SNTG1: variants seen among roughly 807,000 people sequenced by gnomAD.
The protein encoded by SNTG1 is gamma-1-syntrophin.
A neutral mutation model predicts 74.7 loss-of-function variants in SNTG1; 39 were observed. The ratio of observed to expected loss-of-function variants is 0.52; its 90% CI spans 0.40 to 0.68. The LOEUF (loss-of-function observed/expected upper bound fraction) is 0.68. Among genes scored for constraint, SNTG1 ranks in the 30% least tolerant of loss-of-function variants. The pLI is 0.00. For missense variants in SNTG1, 685 were observed against 609.5 expected (o/e 1.12, Z -1.30); for synonymous variants, 254 against 217.1 (o/e 1.17, Z -1.49).
At chr8:50,487,622 G>T (rs150273440) in intron 8 of SNTG1, among the ~76,000 whole-genome samples, 1,649 of 151,092 alleles carry the variant, frequency 0.011, 29 homozygotes, top group African/African-American at 0.037. Flanking sequence ...TCACTCGTAG[G>T]TGGGAATTGA....
chr8:50,663,117 G>A (rs991737686), intron 15 of SNTG1, among the ~76,000 whole-genome samples: 5 of 152,098 alleles, frequency 3.3e-5, no homozygotes, highest in Non-Finnish European at 7.4e-5. Context: ...CCAGTAGGAG[G>A]GGAGGAGCAA....
intron 8 of SNTG1, among the ~76,000 whole-genome samples, chr8:50,492,558 C>G (rs967785271): frequency 2.0e-5 from 3 of 152,138 alleles, no homozygotes; most frequent in African/African-American, 7.2e-5. Context: ...AGTGTCTGTT[C>G]CTGTTCTTTG....
At chr8:49,930,586 A>G (rs1360889541) in intron 1 of SNTG1, among the ~76,000 whole-genome samples, 3 of 152,032 alleles carry the variant, frequency 2.0e-5, no homozygotes, top group Non-Finnish European at 4.4e-5. Context: ...TGTTACAGAA[A>G]CCATCATTCT....
chr8:49,912,738 C>G (rs532942311), intron 1 of SNTG1, among the ~76,000 whole-genome samples: 20 of 152,150 alleles, frequency 1.3e-4, no homozygotes, highest in Non-Finnish European at 2.5e-4. Flanking sequence ...TCCAAGTATA[C>G]CTACACCTGT....
chr8:50,183,430 C>A (rs937787021), intron 2 of SNTG1, among the ~76,000 whole-genome samples: 2 of 152,074 alleles, frequency 1.3e-5, no homozygotes, highest in Admixed American at 6.6e-5. Flanking sequence ...AACTCTATAT[C>A]CCATTTTTTC....
At chr8:50,690,127 A>C (rs550246023) in intron 15 of SNTG1, among the ~76,000 whole-genome samples, 1 of 151,556 alleles carries the variant, frequency 6.6e-6, no homozygotes, top group South Asian at 2.1e-4. Flanking sequence ...CGTCTATTTG[A>C]TTCTTCTCTT....
intron 1 of SNTG1, among the ~76,000 whole-genome samples, chr8:50,119,744 C>A (rs1048035509): frequency 7.1e-6 from 1 of 141,142 alleles, no homozygotes; most frequent in East Asian, 2.0e-4. Flanking sequence ...AATTACTATA[C>A]CCCTATCAGA....
intron 1 of SNTG1, among the ~76,000 whole-genome samples, chr8:50,064,427 C>T (rs1017474096): frequency 6.6e-5 from 10 of 152,186 alleles, no homozygotes; most frequent in Non-Finnish European, 1.5e-4. Context: ...CCCACCATCA[C>T]TCCTACATAG....
chr8:50,502,940 T>C (rs2093975714), intron 9 of SNTG1, 60 bp downstream of exon 9: 1 of 1,352,256 alleles, frequency 7.4e-7, no homozygotes, highest in South Asian at 1.3e-5. Context: ...ATAATTATTA[T>C]TTTGACAATA....
chr8:50,452,720 C>A (rs1195883489), intron 8 of SNTG1, among the ~76,000 whole-genome samples: 1 of 152,140 alleles, frequency 6.6e-6, no homozygotes, highest in Non-Finnish European at 1.5e-5. Context: ...TTCTGAGAAG[C>A]TTAACTCTAC....
intron 1 of SNTG1, among the ~76,000 whole-genome samples, chr8:50,084,277 T>C (rs1235539167): frequency 6.6e-6 from 1 of 151,992 alleles, no homozygotes; most frequent in Non-Finnish European, 1.5e-5. Flanking sequence ...CTGGCCAACA[T>C]GGTGAAACCC....
At chr8:50,784,153 GT>G (rs1300648991) in intron 18 of SNTG1, among the ~76,000 whole-genome samples, 17 of 152,150 alleles carry the variant, frequency 1.1e-4, no homozygotes, top group South Asian at 2.1e-4. Flanking sequence ...CCTGAGTAGG[GT>G]GGGTGGAGTT....
intron 8 of SNTG1, chr8:50,490,827 T>G (rs549073308): frequency 6.6e-6 from 1 of 152,540 alleles, no homozygotes; most frequent in African/African-American, 2.4e-5. Flanking sequence ...GGGTCCCACG[T>G]CCTGAGACTG....
At chr8:49,997,566 T>C (rs1172988549) in intron 1 of SNTG1, among the ~76,000 whole-genome samples, 3 of 152,118 alleles carry the variant, frequency 2.0e-5, no homozygotes, top group African/African-American at 7.2e-5. Flanking sequence ...CCAAGCCTTA[T>C]GTTGCTAAAA....
At chr8:50,656,152 G>C (rs980293132) in intron 13 of SNTG1, among the ~76,000 whole-genome samples, 2 of 152,156 alleles carry the variant, frequency 1.3e-5, no homozygotes, top group African/African-American at 4.8e-5. Flanking sequence ...ACAGAGTTGT[G>C]ATGAGAAAGA....
chr8:50,050,428 A>G (rs1819469798), intron 1 of SNTG1, among the ~76,000 whole-genome samples: 1 of 152,020 alleles, frequency 6.6e-6, no homozygotes, highest in East Asian at 1.9e-4. Flanking sequence ...AATAGGTTCT[A>G]TATCTATTAA....
At chr8:50,611,730 C>G (rs2094851168) in intron 13 of SNTG1, among the ~76,000 whole-genome samples, 1 of 152,046 alleles carries the variant, frequency 6.6e-6, no homozygotes, top group Non-Finnish European at 1.5e-5. Flanking sequence ...TCAGTTTAGT[C>G]TGGGCAACAC....
intron 1 of SNTG1, among the ~76,000 whole-genome samples, chr8:50,073,078 G>A (rs548244801): frequency 6.6e-6 from 1 of 152,216 alleles, no homozygotes; most frequent in South Asian, 2.1e-4. Context: ...GAAGCTTGCT[G>A]CATCAGTTGA....
chr8:50,490,055 A>T (rs2093837563), intron 8 of SNTG1, among the ~76,000 whole-genome samples: 1 of 152,108 alleles, frequency 6.6e-6, no homozygotes. Flanking sequence ...TGTTTTTGTC[A>T]AGTTTGTCAA....
Sources: allele counts gnomAD v4.1 joint callset (sites outside exome capture counted in the v4.1 genomes callset), GRCh38; gene constraint gnomAD v4.1.1; transcripts MANE v1.5; gene names NCBI Gene and HGNC (gene_info 2026-07-23, HGNC 2026-07-21).